The following HMG20A variants were observed in gnomAD, a reference collection of about 807,000 sequenced individuals.
The protein encoded by HMG20A is high mobility group protein 20A.
A neutral mutation model predicts 43.9 loss-of-function variants in HMG20A; 17 were observed. That is an observed-to-expected ratio of 0.39 (90% CI 0.27 to 0.58). The LOEUF is 0.58. HMG20A is among the 20% of genes least tolerant of loss of function. HMG20A has a pLI of 0.59. For synonymous variants in HMG20A, 132 were observed against 147.5 expected (o/e 0.89, Z 0.76); for missense variants, 341 against 438.2 (o/e 0.78, Z 1.98).
At chr15:77,463,847 A>G (rs536346673) in intron 2 of HMG20A, among the ~76,000 whole-genome samples, 1 of 152,330 alleles carries the variant, frequency 6.6e-6, no homozygotes, top group East Asian at 1.9e-4. Context: ...AACTGCCTCT[A>G]CAACTCCCAT....
chr15:77,492,503 C>CT, the HMG20A span, among the ~76,000 whole-genome samples: 1 of 152,094 alleles, frequency 6.6e-6, no homozygotes, highest in Non-Finnish European at 1.5e-5. Context: ...GGTTAGGAGA[C>CT]TGTTAAAATA....
At chr15:77,499,976 G>A in the HMG20A span, among the ~76,000 whole-genome samples, 1 of 151,880 alleles carries the variant, frequency 6.6e-6, no homozygotes, top group Admixed American at 6.6e-5. Flanking sequence ...GACTACAGGG[G>A]CACACCACCA....
At chr15:77,443,373 GATGATGATT>G (rs1323033436) in intron 1 of HMG20A, among the ~76,000 whole-genome samples, 417 of 122,252 alleles carry the variant, frequency 3.4e-3, no homozygotes, top group African/African-American at 0.01. Context: ...TGATGATGAT[GATGATGATT>G]ATTATTATTA....
In HMG20A at chr15:77,479,205, A is replaced by T. The variant is rs201448596; in HGVS notation, c.934A>T (p.Thr312Ser). 1.2e-6 allele frequency: 2 copies of T among 1,613,850 alleles called. No individual in the cohort carries two copies. The highest frequency in any genetic ancestry group is 1.7e-6 in the Non-Finnish European group (2 of 1,179,710). ...PGSGETPTVD[T>S]IDSYMNRLHS... is the part of the protein sequence containing the mutation. ...AAGTGGAGAGACACCTACAGTGGAC[A>T]CCATTGACTCATATATGAACAGACT... The change falls in exon 9 of 10, where the codon ACC becomes TCC. Residue 312 changes from threonine to serine, a missense_variant. Thr to Ser is a moderately conservative substitution (Grantham distance 58, BLOSUM62 1). Transcript: ENST00000336216.
chr15:77,500,461 G>A, the HMG20A span, among the ~76,000 whole-genome samples: 3 of 152,082 alleles, frequency 2.0e-5, no homozygotes, highest in African/African-American at 7.2e-5. Flanking sequence ...ATAGTGGGTG[G>A]CGTATGTCTC....
intron 1 of HMG20A, among the ~76,000 whole-genome samples, chr15:77,448,103 C>T (rs2142307057): frequency 6.6e-6 from 1 of 152,296 alleles, no homozygotes; most frequent in Non-Finnish European, 1.5e-5. Flanking sequence ...CCACTTCTCA[C>T]CATCTCTACT....
At chr15:77,481,280 G>C (rs1248699405) in intron 9 of HMG20A, among the ~76,000 whole-genome samples, 1 of 152,124 alleles carries the variant, frequency 6.6e-6, no homozygotes, top group Non-Finnish European at 1.5e-5. Context: ...CTTAGAGATG[G>C]CTGGACTCCC....
intron 1 of HMG20A, among the ~76,000 whole-genome samples, chr15:77,447,254 A>G (rs560240606): frequency 3.5e-4 from 53 of 152,348 alleles, no homozygotes; most frequent in East Asian, 9.6e-4. Context: ...GAAAAAGCCA[A>G]CGAGGTGGAC....
Position 77,471,828 on chromosome 15 carries a change from T to A in HMG20A, c.615+14T>A, listed in dbSNP as rs781643515. 1 of 1,462,762 alleles carries A rather than the reference T, an allele frequency of 6.8e-7. No individual in the cohort carries two copies. Among genetic ancestry groups the A allele is most frequent in the Non-Finnish European group, 9.4e-7 (1 of 1,060,912 alleles). The allele number at this position is 1,462,762 out of a possible 1,614,324, so 90.6% of individuals were successfully genotyped here. A position where few individuals can be genotyped will look rare whatever the true frequency, so the allele number is the denominator to read the frequency against. On this transcript the variant is annotated intron_variant, in intron 6 of 9. Coordinates refer to ENST00000336216, the MANE Select transcript of HMG20A (RefSeq NM_001304504.2). ...CATGATCATGAGGTAATTAGCCATCTGTCTACATATCATATATATGTATTT... is the reference window on the plus strand; with the variant it reads ...CATGATCATGAGGTAATTAGCCATCAGTCTACATATCATATATATGTATTT...
At chr15:77,440,716 G>A (rs2073602558) in intron 1 of HMG20A, among the ~76,000 whole-genome samples, 1 of 152,174 alleles carries the variant, frequency 6.6e-6, no homozygotes, top group East Asian at 1.9e-4. Context: ...TTTCTGCCCA[G>A]AAGAATCATA....
intron 6 of HMG20A, among the ~76,000 whole-genome samples, chr15:77,472,084 G>A (rs373919331): frequency 6.6e-6 from 1 of 151,850 alleles, no homozygotes; most frequent in Non-Finnish European, 1.5e-5. Context: ...GCTGGAATTT[G>A]GAATGAAGTA....
At chr15:77,422,128 T>A (rs1312676891) in intron 1 of HMG20A, among the ~76,000 whole-genome samples, 2 of 152,222 alleles carry the variant, frequency 1.3e-5, no homozygotes, top group Admixed American at 1.3e-4. Context: ...TAGAAGGGTG[T>A]GTGTCTGTGT....
intron 6 of HMG20A, among the ~76,000 whole-genome samples, chr15:77,476,565 G>A (rs943866826): frequency 1.4e-5 from 2 of 146,230 alleles, no homozygotes; most frequent in Non-Finnish European, 3.0e-5. Flanking sequence ...TTAAACAATT[G>A]TTTATAGGAA....
chr15:77,464,436 A>G lies in HMG20A; in HGVS notation c.237+49A>G, dbSNP rs1054482374. 4.4e-6 allele frequency: 7 copies of G among 1,586,844 alleles called. No homozygotes were observed. The Admixed American group carries it at 8.4e-5, about 19-fold the overall frequency. On this transcript the variant is annotated intron_variant, in intron 3 of 9. Coordinates refer to ENST00000336216, the MANE Select transcript of HMG20A (RefSeq NM_001304504.2). Reference sequence around the variant, plus strand: ...TTCCTATCCTCTGAAACTTCTGAAGAAGCAGTCACAAGGAAGGTGTGTTGA... The same window carrying G: ...TTCCTATCCTCTGAAACTTCTGAAGGAGCAGTCACAAGGAAGGTGTGTTGA...
At chr15:77,463,509 G>C (rs1201549884) in intron 2 of HMG20A, among the ~76,000 whole-genome samples, 1 of 152,100 alleles carries the variant, frequency 6.6e-6, no homozygotes, top group Non-Finnish European at 1.5e-5. Context: ...CTAGCACATG[G>C]TGTTACCTTT....
intron 1 of HMG20A, among the ~76,000 whole-genome samples, chr15:77,423,244 G>A (rs2073389835): frequency 6.6e-6 from 1 of 152,046 alleles, no homozygotes; most frequent in Admixed American, 6.5e-5. Flanking sequence ...TGTGATAAGT[G>A]GCAGTTATTC....
chr15:77,490,257 C>T (rs898518681), downstream of HMG20A, among the ~76,000 whole-genome samples: 2 of 151,960 alleles, frequency 1.3e-5, no homozygotes, highest in Non-Finnish European at 2.9e-5. Context: ...CACTGCACTC[C>T]AGCCTGAGTA....
intron 2 of HMG20A, among the ~76,000 whole-genome samples, chr15:77,459,216 C>T (rs1039190019): frequency 6.6e-6 from 1 of 152,208 alleles, no homozygotes; most frequent in Admixed American, 6.5e-5. Context: ...ATTTATGTCT[C>T]ACCTCGTTGA....
the HMG20A span, among the ~76,000 whole-genome samples, chr15:77,498,815 C>A: frequency 6.6e-6 from 1 of 152,340 alleles, no homozygotes; most frequent in South Asian, 2.1e-4. Context: ...AGCATCACCT[C>A]GGAAGCCACT....
Sources: allele counts gnomAD v4.1 joint callset (sites outside exome capture counted in the v4.1 genomes callset), GRCh38; gene constraint gnomAD v4.1.1; transcripts MANE v1.5; gene names NCBI Gene and HGNC (gene_info 2026-07-23, HGNC 2026-07-21).